The following SHROOM4 variants were observed in gnomAD, a reference collection of about 807,000 sequenced individuals.
SHROOM4 encodes shroom family member 4.
In SHROOM4, 17 loss-of-function variants were observed where a neutral mutation model predicts 80.3. That is an observed-to-expected ratio of 0.21 (90% CI 0.14 to 0.32). SHROOM4 has a LOEUF of 0.32. SHROOM4 is among the 10% of genes least tolerant of loss of function. SHROOM4 has a pLI of 1.00. For missense variants in SHROOM4, 993 were observed against 1,140.3 expected (o/e 0.87, Z 1.86); for synonymous variants, 400 against 437.5 (o/e 0.91, Z 1.07).
chrX:50,741,664 T>C (rs1464877389), intron 1 of SHROOM4, among the ~76,000 whole-genome samples: 1 of 111,185 alleles, frequency 9.0e-6, no homozygotes, highest in Admixed American at 9.6e-5. Flanking sequence ...TAATGACTAA[T>C]GATATTGAGC....
chrX:50,788,607 CAAA>C (rs782285203), intron 1 of SHROOM4, among the ~76,000 whole-genome samples: 3 of 46,601 alleles, frequency 6.4e-5, no homozygotes, highest in Admixed American at 2.7e-4. Flanking sequence ...GACTCCGTCT[CAAA>C]AAAAAAAAAA....
intron 1 of SHROOM4, among the ~76,000 whole-genome samples, chrX:50,747,845 T>C (rs1439229532): frequency 2.7e-5 from 3 of 112,239 alleles, no homozygotes; most frequent in African/African-American, 6.5e-5. Context: ...TTCTGTGGTG[T>C]ACCCACTAAG....
chrX:50,723,853 G>T (rs1557265688), intron 1 of SHROOM4, among the ~76,000 whole-genome samples: 3 of 111,243 alleles, frequency 2.7e-5, no homozygotes, highest in Non-Finnish European at 5.7e-5. Context: ...TGCCAAATTG[G>T]ACAACATTCT....
At chrX:50,711,115 C>T (rs782129397) in intron 1 of SHROOM4, among the ~76,000 whole-genome samples, 1 of 112,472 alleles carries the variant, frequency 8.9e-6, no homozygotes, top group East Asian at 2.8e-4. Flanking sequence ...GTCATTGTTT[C>T]ACCTCAGTTT....
At chrX:50,791,110 T>C (rs1317413931) in intron 1 of SHROOM4, among the ~76,000 whole-genome samples, 1 of 110,963 alleles carries the variant, frequency 9.0e-6, no homozygotes, top group Non-Finnish European at 1.9e-5. Flanking sequence ...ATAAATCCAG[T>C]AAAGTTACAG....
intron 2 of SHROOM4, among the ~76,000 whole-genome samples, chrX:50,646,443 AC>A (rs1931839835): frequency 9.3e-6 from 1 of 107,350 alleles, no homozygotes; most frequent in African/African-American, 3.4e-5. Flanking sequence ...CTGAAGGCCC[AC>A]CCCCACCCAC....
chrX:50,755,616 G>A (rs782150418), intron 1 of SHROOM4, among the ~76,000 whole-genome samples: 1 of 112,203 alleles, frequency 8.9e-6, no homozygotes, highest in East Asian at 2.8e-4. Context: ...AACAAGCCCA[G>A]GATAAATTAT....
chrX:50,630,538 T>C (rs1376460100), intron 4 of SHROOM4, among the ~76,000 whole-genome samples: 7 of 111,291 alleles, frequency 6.3e-5, no homozygotes, highest in Admixed American at 5.7e-4. Flanking sequence ...TTCGGTGCCC[T>C]TAAAACCATT....
chrX:50,773,534 A>G (rs73199931), intron 1 of SHROOM4, among the ~76,000 whole-genome samples: 2,086 of 112,467 alleles, frequency 0.019, 18 homozygotes, highest in Non-Finnish European at 0.031. Flanking sequence ...GCAATACAAA[A>G]GATTTCCAGG....
intron 2 of SHROOM4, among the ~76,000 whole-genome samples, chrX:50,671,529 C>T (rs1932797814): frequency 8.9e-6 from 1 of 112,402 alleles, no homozygotes; most frequent in Non-Finnish European, 1.9e-5. Flanking sequence ...CTTCCCCTTG[C>T]ACTTTTATGT....
Position 50,608,131 on chromosome X carries a change from C to T in SHROOM4, c.3011G>A (p.Cys1004Tyr). The change falls in exon 6 of 9, where the codon TGC becomes TAC. Residue 1004 changes from cysteine to tyrosine, a missense_variant. Transcript: ENST00000376020. ...SFSWATPFHP[C>Y]LENPALDLSS... ...CAAGTCCAGTGCTGGGTTCTCAAGGCAAGGATGGAAAGGGGTTGCCCATGA... is the reference window on the plus strand; with the variant it reads ...CAAGTCCAGTGCTGGGTTCTCAAGGTAAGGATGGAAAGGGGTTGCCCATGA... The T allele has an allele frequency of 8.3e-7, 1 of 1,211,456 alleles. No homozygotes were observed. The highest frequency in any genetic ancestry group is 1.1e-6 in the Non-Finnish European group (1 of 895,518).
At chrX:50,758,086 A>T (rs1483963423) in intron 1 of SHROOM4, among the ~76,000 whole-genome samples, 1 of 111,599 alleles carries the variant, frequency 9.0e-6, no homozygotes, top group Non-Finnish European at 1.9e-5. Context: ...TTTCATTTTC[A>T]GATTATTACT....
chrX:50,768,324 C>T (rs1935321513), intron 1 of SHROOM4, among the ~76,000 whole-genome samples: 1 of 111,663 alleles, frequency 9.0e-6, no homozygotes, highest in South Asian at 3.8e-4. Flanking sequence ...GTGGGTAAAG[C>T]GATTGCTGGC....
chrX:50,698,036 T>G (rs1297138085), intron 1 of SHROOM4, among the ~76,000 whole-genome samples: 1 of 112,290 alleles, frequency 8.9e-6, no homozygotes, highest in South Asian at 3.7e-4. Context: ...CTACCCATTG[T>G]TTTTAATTCA....
chrX:50,736,303 T>A (rs1302673452), intron 1 of SHROOM4, among the ~76,000 whole-genome samples: 1 of 111,292 alleles, frequency 9.0e-6, no homozygotes, highest in Non-Finnish European at 1.9e-5. Flanking sequence ...GCAGGTTTCT[T>A]ACATAGGTAA....
chrX:50,680,905 C>G (rs1348429798), intron 2 of SHROOM4, among the ~76,000 whole-genome samples: 1 of 110,831 alleles, frequency 9.0e-6, no homozygotes, highest in Non-Finnish European at 1.9e-5. Flanking sequence ...TTCCCGTTAC[C>G]CATAAAACTT....
intron 1 of SHROOM4, among the ~76,000 whole-genome samples, chrX:50,706,545 T>C (rs1933683299): frequency 8.9e-6 from 1 of 111,993 alleles, no homozygotes; most frequent in African/African-American, 3.2e-5. Flanking sequence ...CACTTTGTTT[T>C]TCATATAACT....
intron 1 of SHROOM4, among the ~76,000 whole-genome samples, chrX:50,699,397 T>G (rs1933459322): frequency 8.9e-6 from 1 of 112,143 alleles, no homozygotes; most frequent in African/African-American, 3.2e-5. Context: ...CCTGGGGCTC[T>G]GACAGCTCTG....
chrX:50,762,334 C>CT (rs1935177137), intron 1 of SHROOM4, among the ~76,000 whole-genome samples: 1 of 112,226 alleles, frequency 8.9e-6, no homozygotes. Flanking sequence ...TCTGTGCTGT[C>CT]ATTGTTAAGT....
Sources: allele counts gnomAD v4.1 joint callset (sites outside exome capture counted in the v4.1 genomes callset), GRCh38; gene constraint gnomAD v4.1.1; transcripts MANE v1.5; gene names NCBI Gene and HGNC (gene_info 2026-07-23, HGNC 2026-07-21).